COL6A3: variants seen among roughly 807,000 people sequenced by gnomAD.
COL6A3 encodes the protein collagen type VI alpha 3 chain.
In COL6A3, 137 loss-of-function variants were observed where a neutral mutation model predicts 274.1. That is an observed-to-expected ratio of 0.50 (90% CI 0.44 to 0.58). The LOEUF is 0.58. COL6A3 is among the 20% of genes least tolerant of loss of function. The pLI, the probability that COL6A3 is intolerant of heterozygous loss-of-function variation, is 0.00. For missense variants in COL6A3, 3,950 were observed against 4,124.9 expected (o/e 0.96, Z 1.16); for synonymous variants, 1,650 against 1,650.6 (o/e 1.00, Z 0.01).
intron 1 of COL6A3, among the ~76,000 whole-genome samples, chr2:237,397,492 G>A (rs1198014833): frequency 1.3e-5 from 2 of 151,534 alleles, no homozygotes; most frequent in African/African-American, 2.4e-5. Flanking sequence ...AGAGAGGGAA[G>A]GAGGGAGGGA....
At chr2:237,331,696 T>A (rs1048621103) in intron 42 of COL6A3, among the ~76,000 whole-genome samples, 1 of 149,418 alleles carries the variant, frequency 6.7e-6, no homozygotes, top group African/African-American at 2.5e-5. Context: ...AGATCAGAGA[T>A]CAATTATGCA....
At chr2:237,355,648 G>A (rs1234835236) in intron 23 of COL6A3, 1 of 152,216 alleles carries the variant, frequency 6.6e-6, no homozygotes, top group Admixed American at 6.5e-5. Context: ...TAGGGTTGGT[G>A]TTGCAGAGGC....
At chr2:237,395,979 G>C (rs2078430648) in intron 2 of COL6A3, among the ~76,000 whole-genome samples, 1 of 152,170 alleles carries the variant, frequency 6.6e-6, no homozygotes, top group African/African-American at 2.4e-5. Flanking sequence ...CAGGCTTGCT[G>C]CTGGACTCTA....
At chr2:237,348,798 G>T in intron 28 of COL6A3, 135 bp from the exon 29 acceptor site, 1 of 766,670 alleles carries the variant, frequency 1.3e-6, no homozygotes, top group Non-Finnish European at 2.3e-6. Flanking sequence ...TACAGGAGTA[G>T]GCACACTTCC....
intron 1 of COL6A3, among the ~76,000 whole-genome samples, chr2:237,411,945 T>A (rs2078866984): frequency 6.6e-6 from 1 of 152,048 alleles, no homozygotes; most frequent in Admixed American, 6.5e-5. Context: ...AGCCACACCC[T>A]CCAATGCCTG....
rs1452398610 is a variant in COL6A3 at position 237,374,838 on chromosome 2, A to T, written c.3253T>A (p.Tyr1085Asn). ...TTGACGACGTCCTGCTTGTTCATGT[A>T]TGAATTCAGGTAGAACTCGGGCCTG... Reference protein sequence around the residue: ...RTRPEFYLNSYMNKQDVVNAV... With the variant: ...RTRPEFYLNSNMNKQDVVNAV... The change falls in exon 8 of 44, where the codon TAC (tyrosine) becomes AAC (asparagine). Residue 1085 changes from tyrosine to asparagine, a missense_variant. Tyr to Asn is a moderately radical substitution (Grantham distance 143, BLOSUM62 -2). Around this residue, in one of 5 missense-constraint regions of COL6A3, gnomAD observed 1,934 missense variants for 1,984.3 expected, o/e 0.97. Coordinates refer to ENST00000295550, the MANE Select transcript of COL6A3 (RefSeq NM_004369.4). This position sits in a 1 kb window ranked among gnomAD's most constrained non-coding sequence, Gnocchi z 4.8. 1 of 1,613,774 alleles carries T rather than the reference A, an allele frequency of 6.2e-7. No homozygotes were observed. The highest frequency in any genetic ancestry group is 2.2e-5 in the East Asian group (1 of 44,856).
At position 237,344,659 on chromosome 2, in the gene COL6A3, C is replaced by T. The variant is rs114199044; in HGVS notation, c.7359G>A (p.Glu2453=). The T allele has an allele frequency of 1.7e-4, 276 of 1,613,378 alleles. 5 individuals are homozygous for T. The East Asian group carries it at 2.9e-3, about 17-fold the overall frequency. Residue 2453 remains glutamate, a synonymous_variant, in exon 36 of 44, where the codon GAG becomes GAA. Transcript: ENST00000295550. This position sits in a 1 kb window ranked among gnomAD's most constrained non-coding sequence, Gnocchi z 4.8. ...ARVAVVTYNN[E]VTTEIRFADS... ...CAGCAAACCGGATCTCCGTGGTCAC[C>T]TCGTTGTTGTAGGTGACCACAGCCA...
At chr2:237,324,901 T>C in intron 43 of COL6A3, 87 bp from the exon 44 acceptor site, 1 of 1,374,582 alleles carries the variant, frequency 7.3e-7, no homozygotes, top group Admixed American at 1.7e-5. Flanking sequence ...AAAAGGGCAC[T>C]GTCATTATCA....
chr2:237,361,151 G>A lies in COL6A3; in HGVS notation c.6180C>T (p.Tyr2060=), dbSNP rs115130936. The change falls in exon 16 of 44, where the codon TAC becomes TAT. Residue 2060 remains tyrosine, a synonymous_variant. Transcript: ENST00000295550. The surrounding 1 kb of genome is among the most constrained non-coding windows in gnomAD (Gnocchi z 5.1). ...CACCCTCATCACCAGGATAGCCTCG[G>A]TAGCCGTCTTCTCCAGGAATACCCT... is the stretch of plus-strand genomic sequence containing the variant. ...GPKGIPGEDG[Y]RGYPGDEGGP... 93 of 1,614,126 alleles carry A rather than the reference G, an allele frequency of 5.8e-5. No individual in the cohort carries two copies. The African/African-American group carries it at 8.9e-4, about 15-fold the overall frequency.
chr2:237,343,754 T>A (rs72984194), intron 36 of COL6A3: 11,417 of 166,470 alleles, frequency 0.069, 523 homozygotes, highest in Non-Finnish European at 0.1. Flanking sequence ...AGGGCCACCC[T>A]GGATATTCAC....
chr2:237,345,294 C>T, intron 32 of COL6A3, 81 bp from the exon 33 acceptor site: 4 of 1,398,878 alleles, frequency 2.9e-6, no homozygotes, highest in Non-Finnish European at 4.1e-6. Flanking sequence ...CAGAAATACA[C>T]AGAGCAAGAC....
intron 3 of COL6A3, among the ~76,000 whole-genome samples, chr2:237,390,390 A>G (rs775648740): frequency 3.3e-5 from 5 of 152,166 alleles, no homozygotes; most frequent in Non-Finnish European, 7.4e-5. Context: ...CACACACAAT[A>G]ATGGGACATA....
intron 1 of COL6A3, among the ~76,000 whole-genome samples, chr2:237,400,701 C>G (rs2078568027): frequency 6.6e-6 from 1 of 151,748 alleles, no homozygotes; most frequent in African/African-American, 2.4e-5. Context: ...AGAATTAACA[C>G]TAATCCTTCT....
Position 237,324,737 on chromosome 2 carries a change from T to C in COL6A3, c.*37A>G. ...GACAAGTTGGCGATGGCTGACTCCT[T>C]CTTCTTCAAGAGGTATATGATGTTG... On this transcript the variant is annotated 3_prime_UTR_variant, in exon 44 of 44. Transcript: ENST00000295550. 1 of 1,610,212 alleles carries C rather than the reference T, an allele frequency of 6.2e-7. No individual in the cohort carries two copies. Among genetic ancestry groups the C allele is most frequent in the Non-Finnish European group, 8.5e-7 (1 of 1,176,792 alleles).
intron 25 of COL6A3, 48 bp from the exon 26 acceptor site, chr2:237,352,632 T>C (rs748371875): frequency 3.2e-6 from 5 of 1,558,508 alleles, no homozygotes; most frequent in Non-Finnish European, 3.5e-6. Flanking sequence ...TGACTTTCCA[T>C]GAGAAGCCTC....
At chr2:237,358,483 A>C (rs1376035578) in intron 21 of COL6A3, 38 bp downstream of exon 21, 1 of 1,557,084 alleles carries the variant, frequency 6.4e-7, no homozygotes, top group Admixed American at 1.7e-5. Context: ...CCTCTTCCCC[A>C]GGCTCAGGTC....
rs1699824078 is a variant in COL6A3, at chr2:237,324,406, T to C, written c.*368A>G. ...AAAAAAAATGAACCAAGCAAAAGTA[T>C]ATAGAGTAGCCGTGACATTTGCATT... On this transcript the variant is annotated 3_prime_UTR_variant, in exon 44 of 44. Coordinates refer to ENST00000295550, the MANE Select transcript of COL6A3 (RefSeq NM_004369.4). 1 of 219,224 alleles carries C rather than the reference T, an allele frequency of 4.6e-6. No homozygotes were observed. Among genetic ancestry groups the C allele is most frequent in the East Asian group, 1.0e-4 (1 of 9,988 alleles). The allele number at this position is 219,224 out of a possible 1,614,324, so 13.6% of individuals were successfully genotyped here.
chr2:237,365,225 G>A (rs189894528), intron 12 of COL6A3, among the ~76,000 whole-genome samples: 60 of 150,858 alleles, frequency 4.0e-4, no homozygotes, highest in Non-Finnish European at 7.2e-4. Context: ...CAGCCCTGCC[G>A]ACACCTCGAG....
At chr2:237,367,600 G>A (rs762961399) in intron 10 of COL6A3, among the ~76,000 whole-genome samples, 6 of 152,214 alleles carry the variant, frequency 3.9e-5, no homozygotes, top group Non-Finnish European at 7.4e-5. Context: ...ATTGTGACAA[G>A]AATTCAATAG....
Sources: allele counts gnomAD v4.1 joint callset (sites outside exome capture counted in the v4.1 genomes callset), GRCh38; gene constraint gnomAD v4.1.1; regional missense constraint gnomAD v4.1.1; non-coding constraint Gnocchi (gnomAD v3.1); transcripts MANE v1.5; gene names NCBI Gene and HGNC (gene_info 2026-07-23, HGNC 2026-07-21).